Variants in KANK1 observed in about 807,000 individuals in gnomAD.
KANK1 encodes KN motif and ankyrin repeat domains 1.
KANK1 carries 109 observed loss-of-function variants against 106.2 expected under a neutral mutation model. That is an observed-to-expected ratio of 1.03 (90% CI 0.88 to 1.20). KANK1 has a LOEUF of 1.20. Among genes scored for constraint, KANK1 ranks in the 50% most tolerant of loss-of-function variants. KANK1 has a pLI of 0.00. For missense variants in KANK1, 2,399 were observed against 1,710.7 expected (o/e 1.40, Z -7.10); for synonymous variants, 873 against 652.2 (o/e 1.34, Z -5.16).
rs116005772 is a variant in KANK1, at chr9:635,472, C to G, written c.-83-41418C>G. ...TGACTTTATTTGTGCAAACCTTTTCCCCAAAATGCTAAGACTAATACCACG... is the reference window on the plus strand; with the variant it reads ...TGACTTTATTTGTGCAAACCTTTTCGCCAAAATGCTAAGACTAATACCACG... On this transcript the variant is annotated intron_variant, in intron 1 of 11. Coordinates refer to ENST00000382297, the MANE Select transcript of KANK1 (RefSeq NM_015158.5). Among the ~76,000 whole-genome samples the G allele has an allele frequency of 9.4e-3, 1,430 of 152,166 alleles. 28 individuals are homozygous for G. The highest frequency in any genetic ancestry group is 0.033 in the African/African-American group (1,366 of 41,482).
At chr9:694,614 G>A (rs995437377) in intron 2 of KANK1, among the ~76,000 whole-genome samples, 1 of 152,112 alleles carries the variant, frequency 6.6e-6, no homozygotes, top group African/African-American at 2.4e-5. Flanking sequence ...TGTATAAACC[G>A]CAAGGCCCCT....
chr9:593,449 A>AT lies in KANK1; in HGVS notation c.-83-83439dup, dbSNP rs564677786. Among the ~76,000 whole-genome samples, 380 of 106,192 alleles carry AT rather than the reference A, an allele frequency of 3.6e-3. 11 individuals carry two copies. Among genetic ancestry groups the AT allele is most frequent in the African/African-American group, 0.011 (350 of 31,830 alleles). The allele number at this position is 106,192 out of a possible 152,430, so 69.7% of individuals were successfully genotyped here. On this transcript the variant is annotated intron_variant, in intron 1 of 11. Coordinates refer to ENST00000382297, the MANE Select transcript of KANK1 (RefSeq NM_015158.5). Reference sequence around the variant, plus strand: ...TAGTGGATATATTAGATCTTTATACATTCCCCCCCCCCATATACTTGCATT... The same window carrying AT: ...TAGTGGATATATTAGATCTTTATACATTTCCCCCCCCCCATATACTTGCATT...
intron 1 of KANK1, among the ~76,000 whole-genome samples, chr9:633,132 T>C (rs1182247465): frequency 6.6e-6 from 1 of 152,148 alleles, no homozygotes; most frequent in Non-Finnish European, 1.5e-5. Flanking sequence ...AAGAAGGATA[T>C]TTAATGAAAC....
chr9:571,282 A>T (rs1176511336), intron 1 of KANK1, among the ~76,000 whole-genome samples: 1 of 152,132 alleles, frequency 6.6e-6, no homozygotes, highest in African/African-American at 2.4e-5. Flanking sequence ...AACCAGAGGA[A>T]GCCTTTGCCA....
chr9:620,713 T>C (rs545203811), intron 1 of KANK1, among the ~76,000 whole-genome samples: 2 of 152,110 alleles, frequency 1.3e-5, no homozygotes, highest in Non-Finnish European at 2.9e-5. Flanking sequence ...ATTAAAAAAA[T>C]TTTTAAAAAC....
intron 1 of KANK1, among the ~76,000 whole-genome samples, chr9:563,482 T>C (rs1817016941): frequency 6.6e-6 from 1 of 152,244 alleles, no homozygotes; most frequent in East Asian, 1.9e-4. Flanking sequence ...TTGCCACTAG[T>C]AATATGTTGT....
intron 3 of KANK1, among the ~76,000 whole-genome samples, chr9:720,609 G>A (rs1008815506): frequency 6.6e-6 from 1 of 152,200 alleles, no homozygotes; most frequent in Admixed American, 6.5e-5. Context: ...ACCTACCTCA[G>A]CCTCACTAAG....
At chr9:555,696 T>A (rs1439427999) in intron 1 of KANK1, among the ~76,000 whole-genome samples, 1 of 152,216 alleles carries the variant, frequency 6.6e-6, no homozygotes, top group Non-Finnish European at 1.5e-5. Context: ...GAAATTCCTT[T>A]AGATTTGATG....
At chr9:501,633 C>CAT (rs2058554935), upstream of KANK1, among the ~76,000 whole-genome samples, 3 of 152,086 alleles carry the variant, frequency 2.0e-5, no homozygotes, top group East Asian at 1.9e-4. Context: ...CACACACACA[C>CAT]ACACACACCC....
intron 1 of KANK1, among the ~76,000 whole-genome samples, chr9:505,598 T>C (rs1587314658): frequency 6.6e-6 from 1 of 152,228 alleles, no homozygotes; most frequent in African/African-American, 2.4e-5. Flanking sequence ...CAACTGTTCT[T>C]GGTGGCTCTT....
chr9:665,933 A>AGTGGCTGACAC, intron 1 of KANK1, among the ~76,000 whole-genome samples: 1 of 152,252 alleles, frequency 6.6e-6, no homozygotes, highest in East Asian at 1.9e-4. Context: ...CAATCCCAAC[A>AGTGGCTGACAC]CTTCGAGAGG....
At chr9:617,731 C>G (rs1832180884) in intron 1 of KANK1, among the ~76,000 whole-genome samples, 1 of 152,248 alleles carries the variant, frequency 6.6e-6, no homozygotes, top group Non-Finnish European at 1.5e-5. Flanking sequence ...CCTCAGCAGA[C>G]ATTCCGATCA....
At chr9:709,382 T>C (rs972379804) in intron 2 of KANK1, among the ~76,000 whole-genome samples, 1 of 152,172 alleles carries the variant, frequency 6.6e-6, no homozygotes, top group African/African-American at 2.4e-5. Context: ...CTGAGTGCCC[T>C]TGACCTCCAT....
chr9:622,151 G>A (rs1833293864), intron 1 of KANK1, among the ~76,000 whole-genome samples: 1 of 152,098 alleles, frequency 6.6e-6, no homozygotes, highest in African/African-American at 2.4e-5. Flanking sequence ...GTCTAATTTC[G>A]GTCAGTAGAA....
intron 1 of KANK1, among the ~76,000 whole-genome samples, chr9:625,600 A>C (rs1057117842): frequency 1.3e-5 from 2 of 152,140 alleles, no homozygotes; most frequent in African/African-American, 4.8e-5. Flanking sequence ...AAAAAACAAC[A>C]TTGAGATCAC....
At chr9:567,944 T>G (rs1246164002) in intron 1 of KANK1, among the ~76,000 whole-genome samples, 1 of 152,166 alleles carries the variant, frequency 6.6e-6, no homozygotes, top group Non-Finnish European at 1.5e-5. Flanking sequence ...TGGACAAAAC[T>G]TACAGTCTTC....
intron 2 of KANK1, among the ~76,000 whole-genome samples, chr9:682,438 C>G (rs970377508): frequency 9.9e-5 from 15 of 152,202 alleles, no homozygotes; most frequent in South Asian, 2.1e-4. Flanking sequence ...TTTCAATAAG[C>G]TTTTATAATT....
At chr9:537,773 G>A (rs1016862223) in intron 1 of KANK1, among the ~76,000 whole-genome samples, 5 of 152,204 alleles carry the variant, frequency 3.3e-5, no homozygotes, top group African/African-American at 9.7e-5. Flanking sequence ...CTGGCATCTA[G>A]GGAGTAGAGG....
intron 8 of KANK1, among the ~76,000 whole-genome samples, chr9:739,905 G>C (rs2132143269): frequency 6.6e-6 from 1 of 152,136 alleles, no homozygotes; most frequent in African/African-American, 2.4e-5. Flanking sequence ...GAATTCACCT[G>C]CTTCTCCTCC....
Sources: gnomAD v4.1 joint callset for allele counts (sites outside exome capture counted in the v4.1 genomes callset) on GRCh38, gnomAD v4.1.1 for gene constraint, MANE v1.5 for transcripts, NCBI Gene and HGNC (gene_info 2026-07-23, HGNC 2026-07-21) for gene names.